Variants in SLC25A21 observed in about 807,000 individuals in gnomAD.
The protein encoded by SLC25A21 is solute carrier family 25 member 21.
Under a neutral mutation model 43.8 loss-of-function variants are expected in SLC25A21, and 47 were observed. The ratio of observed to expected loss-of-function variants is 1.07; its 90% CI spans 0.85 to 1.37. SLC25A21 has a LOEUF of 1.37. Ranked by LOEUF, SLC25A21 falls within the 40% of genes most tolerant of loss-of-function variation. The probability of loss-of-function intolerance (pLI) is 0.00; values close to 1 mark genes in which losing one functional copy is unlikely to be tolerated. For synonymous variants in SLC25A21, 131 were observed against 121.3 expected, an observed-to-expected ratio of 1.08 and a Z score of -0.52; for missense variants, 352 against 350.2, an observed-to-expected ratio of 1.00 and a Z score of -0.04.
intron 1 of SLC25A21, among the ~76,000 whole-genome samples, chr14:37,100,747 G>A (rs762770508): frequency 3.3e-5 from 5 of 152,168 alleles, no homozygotes; most frequent in African/African-American, 1.2e-4. Flanking sequence ...CAATGTAGTG[G>A]GTCAAGTGGG....
intron 1 of SLC25A21, among the ~76,000 whole-genome samples, chr14:37,120,859 G>C (rs968308422): frequency 1.3e-5 from 2 of 152,128 alleles, no homozygotes; most frequent in African/African-American, 2.4e-5. Context: ...TCCTTGAAGA[G>C]AGAGAATGTC....
intron 3 of SLC25A21, among the ~76,000 whole-genome samples, chr14:36,768,568 G>T (rs1358547842): frequency 2.6e-5 from 4 of 152,024 alleles, no homozygotes; most frequent in Non-Finnish European, 5.9e-5. Context: ...CTCAGGCTGG[G>T]GCAATAAGCC....
intron 1 of SLC25A21, among the ~76,000 whole-genome samples, chr14:36,954,349 G>C (rs896938755): frequency 6.6e-6 from 1 of 151,758 alleles, no homozygotes; most frequent in Non-Finnish European, 1.5e-5. Context: ...CATAATCCTC[G>C]TCTGCTAAAG....
intron 1 of SLC25A21, among the ~76,000 whole-genome samples, chr14:37,117,740 C>A (rs2138885907): frequency 6.6e-6 from 1 of 152,242 alleles, no homozygotes; most frequent in East Asian, 1.9e-4. Flanking sequence ...ACTGCCAAGG[C>A]TCAATACTGC....
chr14:36,997,406 G>A (rs1960394678), intron 1 of SLC25A21, among the ~76,000 whole-genome samples: 1 of 152,150 alleles, frequency 6.6e-6, no homozygotes, highest in Non-Finnish European at 1.5e-5. Context: ...TACAGATCAG[G>A]CTGTTGGTGA....
intron 1 of SLC25A21, among the ~76,000 whole-genome samples, chr14:37,150,215 C>G (rs566243408): frequency 6.6e-6 from 1 of 152,164 alleles, no homozygotes; most frequent in African/African-American, 2.4e-5. Context: ...ATAATACATA[C>G]CCTAGCCCTA....
At chr14:36,857,179 T>G (rs1168104709) in intron 2 of SLC25A21, among the ~76,000 whole-genome samples, 1 of 152,210 alleles carries the variant, frequency 6.6e-6, no homozygotes, top group African/African-American at 2.4e-5. Context: ...GTGCCTGGGT[T>G]TGGGTCTCCA....
chr14:36,789,784 AT>A (rs1282532504), intron 3 of SLC25A21, among the ~76,000 whole-genome samples: 10 of 77,764 alleles, frequency 1.3e-4, no homozygotes, highest in Admixed American at 8.9e-4. Flanking sequence ...CATTTTATAT[AT>A]TTATATATAA....
intron 3 of SLC25A21, among the ~76,000 whole-genome samples, chr14:36,755,687 G>A (rs1364030837): frequency 1.3e-5 from 2 of 152,058 alleles, no homozygotes; most frequent in African/African-American, 2.4e-5. Flanking sequence ...TCAAATATAT[G>A]AACACATAGA....
chr14:36,782,228 G>C (rs1378921631), intron 3 of SLC25A21, among the ~76,000 whole-genome samples: 1 of 152,152 alleles, frequency 6.6e-6, no homozygotes, highest in Non-Finnish European at 1.5e-5. Context: ...GGTTGAAGCT[G>C]TTTTGGAATT....
chr14:37,093,078 T>C (rs1962620200), intron 1 of SLC25A21, among the ~76,000 whole-genome samples: 1 of 152,170 alleles, frequency 6.6e-6, no homozygotes, highest in Non-Finnish European at 1.5e-5. Context: ...GGGAACATCT[T>C]CCATGGATGT....
At chr14:36,996,218 A>T (rs1960368370) in intron 1 of SLC25A21, among the ~76,000 whole-genome samples, 1 of 152,178 alleles carries the variant, frequency 6.6e-6, no homozygotes, top group Non-Finnish European at 1.5e-5. Flanking sequence ...TCTAATATTC[A>T]GCTAACTTTC....
chr14:37,024,516 A>G (rs1301398927), intron 1 of SLC25A21, among the ~76,000 whole-genome samples: 1 of 152,052 alleles, frequency 6.6e-6, no homozygotes, highest in Non-Finnish European at 1.5e-5. Flanking sequence ...GTTTCTCCAC[A>G]TGAAGTCTGC....
At chr14:36,700,733 T>C (rs917154043) in intron 7 of SLC25A21, among the ~76,000 whole-genome samples, 5 of 152,316 alleles carry the variant, frequency 3.3e-5, no homozygotes, top group African/African-American at 9.6e-5. Flanking sequence ...GCCTGACACA[T>C]CATAGGTATG....
chr14:36,996,613 G>C (rs1165378666), intron 1 of SLC25A21, among the ~76,000 whole-genome samples: 1 of 152,074 alleles, frequency 6.6e-6, no homozygotes, highest in Admixed American at 6.6e-5. Context: ...CTCTCCTAAA[G>C]TTTTCTGCTG....
intron 1 of SLC25A21, among the ~76,000 whole-genome samples, chr14:37,127,140 G>C (rs1263462512): frequency 6.6e-6 from 1 of 152,132 alleles, no homozygotes; most frequent in East Asian, 1.9e-4. Flanking sequence ...CGCTAGGTTA[G>C]ACTGGACAAA....
intron 1 of SLC25A21, among the ~76,000 whole-genome samples, chr14:37,100,458 A>T (rs931244939): frequency 2.0e-5 from 3 of 152,152 alleles, no homozygotes; most frequent in Non-Finnish European, 2.9e-5. Context: ...GGTTATTCTC[A>T]TTCATCTAGA....
intron 1 of SLC25A21, among the ~76,000 whole-genome samples, chr14:37,076,908 T>C (rs2138833058): frequency 6.6e-6 from 1 of 152,304 alleles, no homozygotes; most frequent in South Asian, 2.1e-4. Flanking sequence ...TTACACAGAC[T>C]AATAAAGCAA....
intron 2 of SLC25A21, among the ~76,000 whole-genome samples, chr14:36,836,604 A>G (rs1889217916): frequency 6.6e-6 from 1 of 150,888 alleles, no homozygotes; most frequent in South Asian, 2.1e-4. Flanking sequence ...TGGGCTCTGC[A>G]ACACTGAGGC....
Sources: allele counts gnomAD v4.1 joint callset (sites outside exome capture counted in the v4.1 genomes callset), GRCh38; gene constraint gnomAD v4.1.1; transcripts MANE v1.5; gene names NCBI Gene and HGNC (gene_info 2026-07-23, HGNC 2026-07-21).